Variants in PLCB1 observed in about 807,000 individuals in gnomAD.
PLCB1 encodes the protein 1-phosphatidylinositol 4,5-bisphosphate phosphodiesterase beta-1.
Under a neutral mutation model 161.8 loss-of-function variants are expected in PLCB1, and 46 were observed. The ratio of observed to expected loss-of-function variants is 0.28; its 90% CI spans 0.22 to 0.36. The LOEUF is 0.36. Ranked by LOEUF, PLCB1 falls within the 10% of genes least tolerant of loss-of-function variation. The pLI, the probability that PLCB1 is intolerant of heterozygous loss-of-function variation, is 1.00. For missense variants in PLCB1, 1,016 were observed against 1,472.5 expected, an observed-to-expected ratio of 0.69 and a Z score of 5.07; for synonymous variants, 517 against 503.7, an observed-to-expected ratio of 1.03 and a Z score of -0.35.
At position 8,646,645 on chromosome 20, in the gene PLCB1, C is replaced by T. The variant is rs141486053; in HGVS notation, c.464+464C>T. On this transcript the variant is annotated intron_variant, in intron 5 of 31. Transcript: ENST00000338037. Reference sequence around the variant, plus strand: ...AATCAATAGGCTGACATCCTGATTCCATCCCATGTAGATGATCCCAGCAAG... The same window carrying T: ...AATCAATAGGCTGACATCCTGATTCTATCCCATGTAGATGATCCCAGCAAG... Among the ~76,000 whole-genome samples, 294 of 152,244 alleles carry T rather than the reference C, an allele frequency of 1.9e-3. 3 individuals are homozygous for T. Among genetic ancestry groups the T allele is most frequent in the African/African-American group, 6.8e-3 (281 of 41,528 alleles).
intron 1 of PLCB1, among the ~76,000 whole-genome samples, chr20:8,141,452 C>A (rs1352043861): frequency 6.6e-6 from 1 of 151,872 alleles, no homozygotes; most frequent in Non-Finnish European, 1.5e-5. Flanking sequence ...GATGAAACCC[C>A]GTCTCTACTA....
chr20:8,587,419 T>C (rs950664844), intron 3 of PLCB1, among the ~76,000 whole-genome samples: 5 of 152,124 alleles, frequency 3.3e-5, no homozygotes, highest in Admixed American at 1.3e-4. Context: ...AATATCATAA[T>C]GACCCAAGCT....
At chr20:8,226,562 C>T (rs1010168966) in intron 2 of PLCB1, among the ~76,000 whole-genome samples, 1 of 152,128 alleles carries the variant, frequency 6.6e-6, no homozygotes, top group African/African-American at 2.4e-5. Context: ...TTATAACCTC[C>T]TACTTCCTTC....
chr20:8,858,235 G>A (rs1250100339), intron 31 of PLCB1, among the ~76,000 whole-genome samples: 3 of 152,052 alleles, frequency 2.0e-5, no homozygotes, highest in Non-Finnish European at 2.9e-5. Flanking sequence ...ACACACCACG[G>A]CCTGCTCTTG....
chr20:8,380,666 C>T lies in PLCB1; in HGVS notation c.246+9216C>T, dbSNP rs148936645. Among the ~76,000 whole-genome samples the T allele has an allele frequency of 7.6e-3, 1,160 of 152,164 alleles. 8 individuals are homozygous for T. Among genetic ancestry groups the T allele is most frequent in the Non-Finnish European group, 0.012 (820 of 67,974 alleles). ...TCTTGACAAGATCCTTCACATCCCT[C>T]GTTAGCTGTATTCCTAGGTATTTTA... On this transcript the variant is annotated intron_variant, in intron 3 of 31. Coordinates refer to ENST00000338037, the MANE Select transcript of PLCB1 (RefSeq NM_015192.4).
chr20:8,854,002 A>G (rs576113914), intron 31 of PLCB1, among the ~76,000 whole-genome samples: 66 of 152,318 alleles, frequency 4.3e-4, no homozygotes, highest in Admixed American at 2.7e-3. Flanking sequence ...ACATTGCCAG[A>G]TCTGCAGTCA....
intron 2 of PLCB1, among the ~76,000 whole-genome samples, chr20:8,179,849 T>C (rs1186597024): frequency 2.0e-5 from 1 of 49,556 alleles, no homozygotes; most frequent in Admixed American, 1.5e-4. Flanking sequence ...TTGAGGGCTT[T>C]TTTTTTTTTT....
chr20:8,488,526 C>T (rs1253542043), intron 3 of PLCB1, among the ~76,000 whole-genome samples: 1 of 152,148 alleles, frequency 6.6e-6, no homozygotes, highest in African/African-American at 2.4e-5. Flanking sequence ...CTGAATATAA[C>T]CAGGGCTGCC....
At chr20:8,316,094 G>A (rs1984636973) in intron 2 of PLCB1, among the ~76,000 whole-genome samples, 1 of 152,104 alleles carries the variant, frequency 6.6e-6, no homozygotes, top group African/African-American at 2.4e-5. Flanking sequence ...ATGCTTTATT[G>A]ATATCTGGCA....
intron 2 of PLCB1, among the ~76,000 whole-genome samples, chr20:8,308,750 G>C (rs1411716670): frequency 1.3e-5 from 2 of 151,900 alleles, no homozygotes; most frequent in African/African-American, 4.8e-5. Context: ...TTTGGACCCA[G>C]GTAGCGTCCA....
chr20:8,683,146 G>T (rs560352589), intron 9 of PLCB1, among the ~76,000 whole-genome samples: 50 of 151,470 alleles, frequency 3.3e-4, no homozygotes, highest in Non-Finnish European at 5.3e-4. Flanking sequence ...TAATACAAAG[G>T]TTACTAAATT....
chr20:8,823,456 A>G (rs995657094), intron 31 of PLCB1, among the ~76,000 whole-genome samples: 13 of 152,162 alleles, frequency 8.5e-5, no homozygotes, highest in Admixed American at 7.2e-4. Context: ...CACTTTAAAT[A>G]AGGAACTTGT....
chr20:8,557,874 A>G (rs1218767022), intron 3 of PLCB1, among the ~76,000 whole-genome samples: 1 of 151,942 alleles, frequency 6.6e-6, no homozygotes, highest in African/African-American at 2.4e-5. Flanking sequence ...ACAAAAAATT[A>G]TGAGTCATGA....
At chr20:8,299,249 A>G (rs1600296651) in intron 2 of PLCB1, among the ~76,000 whole-genome samples, 1 of 152,272 alleles carries the variant, frequency 6.6e-6, no homozygotes, top group East Asian at 1.9e-4. Flanking sequence ...ATCCTGACCA[A>G]CATATAAAGG....
Position 8,649,589 on chromosome 20 carries a change from A to G in PLCB1, c.594+140A>G. ...AGCTTCCATGATTAATGGGTTAATG[A>G]ATTAATGGATTATCATCGGAGAGGA... On this transcript the variant is annotated intron_variant, in intron 7 of 31. Transcript: ENST00000338037. 1.1e-5 allele frequency: 7 copies of G among 645,488 alleles called. No individual in the cohort carries two copies. In the South Asian group the frequency reaches 1.3e-4, roughly 12 times the overall value. The allele number at this position is 645,488 out of a possible 1,614,324, so 40.0% of individuals were successfully genotyped here.
intron 2 of PLCB1, among the ~76,000 whole-genome samples, chr20:8,350,335 A>G (rs1406733566): frequency 1.3e-5 from 2 of 152,308 alleles, no homozygotes; most frequent in Non-Finnish European, 2.9e-5. Flanking sequence ...AAGACAGAAC[A>G]TGTGGTGTTT....
chr20:8,411,392 A>G (rs1979036435), intron 3 of PLCB1, among the ~76,000 whole-genome samples: 3 of 152,232 alleles, frequency 2.0e-5, no homozygotes, highest in Non-Finnish European at 4.4e-5. Flanking sequence ...CTACTGGAAC[A>G]TTTTAAAATA....
rs73897329 is a variant in PLCB1 at position 8,217,660 on chromosome 20, T to C, written c.177+67289T>C. On this transcript the variant is annotated intron_variant, in intron 2 of 31. Coordinates refer to ENST00000338037, the MANE Select transcript of PLCB1 (RefSeq NM_015192.4). ...CTTGAGGAAAGTTGTAAAGGAATGG[T>C]GCTATGGTTTCAGTATGTCCTCCAA... Among the ~76,000 whole-genome samples, 1,019 of 152,246 alleles carry C rather than the reference T, an allele frequency of 6.7e-3. 18 individuals carry two copies. Among genetic ancestry groups the C allele is most frequent in the African/African-American group, 0.023 (957 of 41,546 alleles).
At chr20:8,376,438 C>CT in intron 3 of PLCB1, among the ~76,000 whole-genome samples, 1 of 152,072 alleles carries the variant, frequency 6.6e-6, no homozygotes, top group Non-Finnish European at 1.5e-5. Flanking sequence ...AACATGATAG[C>CT]TTTTTTACTT....
Sources: allele counts gnomAD v4.1 joint callset (sites outside exome capture counted in the v4.1 genomes callset), GRCh38; gene constraint gnomAD v4.1.1; transcripts MANE v1.5; gene names NCBI Gene and HGNC (gene_info 2026-07-23, HGNC 2026-07-21).